The following JAKMIP2 variants were observed in gnomAD, a reference collection of about 807,000 sequenced individuals.
JAKMIP2 encodes the protein janus kinase and microtubule-interacting protein 2.
Under a neutral mutation model 115.0 loss-of-function variants are expected in JAKMIP2, and 25 were observed. The ratio of observed to expected loss-of-function variants is 0.22; its 90% CI spans 0.16 to 0.30. The LOEUF (loss-of-function observed/expected upper bound fraction) is 0.30, where lower values mean the gene tolerates loss of function less well. JAKMIP2 is among the 10% of genes least tolerant of loss of function. JAKMIP2 has a pLI of 1.00. For missense variants in JAKMIP2, 642 were observed against 957.6 expected (o/e 0.67, Z 4.35); for synonymous variants, 334 against 343.6 (o/e 0.97, Z 0.31).
At chr5:147,764,969 GGAGA>G (rs1444012020) in intron 1 of JAKMIP2, among the ~76,000 whole-genome samples, 1,019 of 33,878 alleles carry the variant, frequency 0.03, 29 homozygotes, top group Non-Finnish European at 0.036. Flanking sequence ...AGAGAGAGGG[GGAGA>G]GAGAGAGAGA....
intron 1 of JAKMIP2, among the ~76,000 whole-genome samples, chr5:147,716,031 T>A (rs1278338963): frequency 7.5e-6 from 1 of 133,316 alleles, no homozygotes. Flanking sequence ...AGTGTGATAT[T>A]CCCCTTCCTG....
intron 1 of JAKMIP2, among the ~76,000 whole-genome samples, chr5:147,738,818 T>C (rs1754026462): frequency 6.6e-6 from 1 of 152,124 alleles, no homozygotes; most frequent in South Asian, 2.1e-4. Flanking sequence ...CTCCCATGAT[T>C]GTCACTAGGA....
At chr5:147,625,030 G>C (rs1251227497) in intron 16 of JAKMIP2, among the ~76,000 whole-genome samples, 1 of 151,650 alleles carries the variant, frequency 6.6e-6, no homozygotes, top group Non-Finnish European at 1.5e-5. Context: ...ACCCAGGCTG[G>C]AGTGCAATGG....
At chr5:147,687,696 C>T (rs1409395907) in intron 1 of JAKMIP2, among the ~76,000 whole-genome samples, 6 of 152,104 alleles carry the variant, frequency 3.9e-5, no homozygotes, top group Non-Finnish European at 2.9e-5. Flanking sequence ...ACCCTTCACA[C>T]GACAGGTAAA....
At chr5:147,617,790 C>T (rs1007239027) in intron 19 of JAKMIP2, 121 bp downstream of exon 19, 3 of 690,700 alleles carry the variant, frequency 4.3e-6, no homozygotes, top group South Asian at 1.8e-5. Flanking sequence ...ATTTATTTTA[C>T]TCTCTGAAAA....
At chr5:147,596,882 T>C (rs1290393954) in intron 21 of JAKMIP2, among the ~76,000 whole-genome samples, 1 of 152,126 alleles carries the variant, frequency 6.6e-6, no homozygotes, top group Non-Finnish European at 1.5e-5. Context: ...CTTTATTTTT[T>C]TGGTGGGGGG....
At chr5:147,610,733 C>T (rs1028550966) in intron 20 of JAKMIP2, among the ~76,000 whole-genome samples, 33 of 152,340 alleles carry the variant, frequency 2.2e-4, no homozygotes, top group African/African-American at 7.7e-4. Flanking sequence ...CCACTGCTCT[C>T]TTCAGAGCCA....
In JAKMIP2 at chr5:147,743,702, C is replaced by T. The variant is rs182113703; in HGVS notation, c.-149+38754G>A. The stretch of plus-strand genomic sequence containing the variant: ...TTCTGCCAAGGAGATTTGTCTTCCT[C>T]CTCTTGTTTTTGGTCTAGGGTATTA... On this transcript the variant is annotated intron_variant, in intron 1 of 21. Transcript: ENST00000616793. Among the ~76,000 whole-genome samples the T allele has an allele frequency of 6.6e-5, 10 of 152,278 alleles. No individual in the cohort carries two copies. The East Asian group carries it at 1.7e-3, about 26-fold the overall frequency.
Position 147,586,885 on chromosome 5 carries a change from T to C in JAKMIP2, c.*4822A>G, listed in dbSNP as rs949588081. ...TATCTTTAGGAATTTTGATTAAGCA[T>C]TGGACTTGGACTCCCAGCAAGAGAT... On this transcript the variant is annotated 3_prime_UTR_variant, in exon 22 of 22. Transcript: ENST00000616793. 2 of 151,824 alleles carry C rather than the reference T, an allele frequency of 1.3e-5. No individual in the cohort carries two copies. The highest frequency in any genetic ancestry group is 6.6e-5 in the Admixed American group (1 of 15,216). The allele number at this position is 151,824 out of a possible 1,614,324, so 9.4% of individuals were successfully genotyped here.
chr5:147,651,753 A>C (rs568596610), intron 3 of JAKMIP2, among the ~76,000 whole-genome samples: 2 of 152,308 alleles, frequency 1.3e-5, no homozygotes, highest in African/African-American at 4.8e-5. Context: ...CTTTGGGCTA[A>C]ATTCTGCATG....
In JAKMIP2 at chr5:147,644,942, T is replaced by C; in HGVS notation, c.991A>G (p.Lys331Glu). The C allele has an allele frequency of 1.9e-6, 3 of 1,613,780 alleles. No homozygotes were observed. ...TCATCGTTTCTCTTGGCGAGGCACTTGTTCCTTTCCAGGAGAGGTTTACAT... is the reference window on the plus strand; with the variant it reads ...TCATCGTTTCTCTTGGCGAGGCACTCGTTCCTTTCCAGGAGAGGTTTACAT... ...KQCKPLLERN[K>E]CLAKRNDELM... is the part of the protein sequence containing the mutation. The change falls in exon 6 of 22, where the codon AAG becomes GAG. Residue 331 changes from lysine (K) to glutamate (E), a missense_variant. Physicochemically the swap from Lys to Glu is moderately conservative, Grantham distance 56. This residue lies in a region of JAKMIP2 where 439 missense variants were observed against 570.9 expected (regional missense o/e 0.77). Coordinates refer to ENST00000616793, the MANE Select transcript of JAKMIP2 (RefSeq NM_001270941.2).
At chr5:147,764,964 GA>G (rs1755089428) in intron 1 of JAKMIP2, among the ~76,000 whole-genome samples, 2 of 61,686 alleles carry the variant, frequency 3.2e-5, no homozygotes, top group South Asian at 5.8e-4. Context: ...GAGAGAGAGA[GA>G]GGGGGAGAGA....
Position 147,623,744 on chromosome 5 carries a change from T to C in JAKMIP2, c.1996-55A>G, listed in dbSNP as rs144752020. Reference sequence around the variant, plus strand: ...ACATGGCTGCTTGATATGGTGTATATCTGTGTGCCCCCATGAGGTGCTCCG... The same window carrying C: ...ACATGGCTGCTTGATATGGTGTATACCTGTGTGCCCCCATGAGGTGCTCCG... On this transcript the variant is annotated intron_variant, in intron 16 of 21. Transcript: ENST00000616793. 7.0e-3 allele frequency: 8,016 copies of C among 1,139,332 alleles called. 41 individuals are homozygous for C. The highest frequency in any genetic ancestry group is 9.1e-3 in the Non-Finnish European group (6,831 of 748,286). The allele number at this position is 1,139,332 out of a possible 1,614,324, so 70.6% of individuals were successfully genotyped here.
intron 1 of JAKMIP2, among the ~76,000 whole-genome samples, chr5:147,711,229 G>A (rs1309323648): frequency 6.6e-6 from 1 of 152,182 alleles, no homozygotes; most frequent in Non-Finnish European, 1.5e-5. Context: ...GAGCCTTAAA[G>A]TCATAATGAG....
chr5:147,663,777 G>C (rs963913378), intron 2 of JAKMIP2, among the ~76,000 whole-genome samples: 2 of 152,122 alleles, frequency 1.3e-5, no homozygotes, highest in African/African-American at 4.8e-5. Context: ...GGCACAAGGG[G>C]ATTTGGTGAA....
intron 3 of JAKMIP2, among the ~76,000 whole-genome samples, chr5:147,658,986 G>A (rs1758822607): frequency 6.6e-6 from 1 of 152,062 alleles, no homozygotes; most frequent in Non-Finnish European, 1.5e-5. Flanking sequence ...ATGGGAGTGG[G>A]ACTGGGACCC....
At chr5:147,731,618 T>A (rs976868090) in intron 1 of JAKMIP2, among the ~76,000 whole-genome samples, 40 of 152,350 alleles carry the variant, frequency 2.6e-4, no homozygotes, top group African/African-American at 9.4e-4. Flanking sequence ...CAATGCCTTA[T>A]TCTTTTTATC....
chr5:147,634,092 T>C (rs1481460878), intron 12 of JAKMIP2, among the ~76,000 whole-genome samples: 1 of 152,232 alleles, frequency 6.6e-6, no homozygotes, highest in Non-Finnish European at 1.5e-5. Context: ...ATACAGTAAC[T>C]ATTTAAAATC....
chr5:147,631,226 C>G (rs970564387), intron 14 of JAKMIP2, among the ~76,000 whole-genome samples, 187 bp downstream of exon 14: 1 of 152,174 alleles, frequency 6.6e-6, no homozygotes, highest in Admixed American at 6.5e-5. Context: ...ATTTGTATAT[C>G]TGTCACACAT....
Sources: gnomAD v4.1 joint callset for allele counts (sites outside exome capture counted in the v4.1 genomes callset) on GRCh38, gnomAD v4.1.1 for gene constraint, gnomAD v4.1.1 regional missense constraint, MANE v1.5 for transcripts, NCBI Gene and HGNC (gene_info 2026-07-23, HGNC 2026-07-21) for gene names.